The following WDFY4 variants were observed in gnomAD, a reference collection of about 807,000 sequenced individuals.
WDFY4 encodes WDFY family member 4.
WDFY4 carries 169 observed loss-of-function variants against 351.9 expected under a neutral mutation model. The ratio of observed to expected loss-of-function variants is 0.48; its 90% CI spans 0.42 to 0.55. WDFY4 has a LOEUF of 0.55. WDFY4 is among the 20% of genes least tolerant of loss of function. WDFY4 has a pLI of 0.00. For missense variants in WDFY4, 3,803 were observed against 3,935.6 expected (o/e 0.97, Z 0.90); for synonymous variants, 1,622 against 1,574.6 (o/e 1.03, Z -0.71).
Position 48,974,527 on chromosome 10 carries a change from A to AAAAAAAAAAAAAAAAAAC in WDFY4, c.8929-333_8929-332insAAAAAAAAAAAAAAACAA. On this transcript the variant is annotated intron_variant, in intron 57 of 61. Coordinates refer to ENST00000325239, the MANE Select transcript of WDFY4 (RefSeq NM_001394531.1). ...CAAAAAAAAAAAAAAAAAAAAAAAAAAACAACTCATGACATGAACTGCTCC... is the reference window on the plus strand; with the variant it reads ...CAAAAAAAAAAAAAAAAAAAAAAAAAAAAAAAAAAAAAAAAAACAACAACTCATGACATGAACTGCTCC... 2.9e-3 allele frequency among the ~76,000 whole-genome samples: 68 copies of AAAAAAAAAAAAAAAAAAC among 23,188 alleles called. 10 individuals carry two copies. The highest frequency in any genetic ancestry group is 4.6e-3 in the African/African-American group (64 of 13,804). 15.2% of individuals were successfully genotyped at this position (23,188 alleles called of 152,430 possible).
At chr10:48,948,717 A>T (rs749714080) in intron 51 of WDFY4, among the ~76,000 whole-genome samples, 1 of 152,232 alleles carries the variant, frequency 6.6e-6, no homozygotes, top group Non-Finnish European at 1.5e-5. Context: ...ATTAAATGAG[A>T]AAATGTGCAG....
chr10:48,823,937 G>A (rs886400837), intron 35 of WDFY4: 1 of 985,418 alleles, frequency 1.0e-6, no homozygotes, highest in African/African-American at 1.7e-5. Context: ...CACTTCATGA[G>A]TAGAAACATT....
chr10:48,726,106 A>T, intron 6 of WDFY4, 36 bp downstream of exon 6: 1 of 1,521,026 alleles, frequency 6.6e-7, no homozygotes, highest in Non-Finnish European at 8.9e-7. Context: ...GCTGTGGGCC[A>T]TGCAAGGGCT....
In WDFY4 at chr10:48,828,901, A is replaced by G. The variant is rs2068090278; in HGVS notation, c.6340+5A>G. ...ACTTACCAAGTTTGAGTGATGGTAC[A>G]TTTTATTTGTCATTGTGTGTGTGGG... is the stretch of plus-strand genomic sequence containing the variant. On this transcript the variant is annotated splice_donor_5th_base_variant and intron_variant, in intron 37 of 61. Coordinates refer to ENST00000325239, the MANE Select transcript of WDFY4 (RefSeq NM_001394531.1). The G allele has an allele frequency of 3.8e-6, 3 of 785,490 alleles. No homozygotes were observed. The highest frequency in any genetic ancestry group is 5.2e-6 in the Non-Finnish European group (3 of 581,506). The allele number at this position is 785,490 out of a possible 1,614,324, so 48.7% of individuals were successfully genotyped here.
intron 53 of WDFY4, among the ~76,000 whole-genome samples, chr10:48,961,892 G>A (rs925714729): frequency 1.3e-5 from 2 of 152,162 alleles, no homozygotes; most frequent in African/African-American, 4.8e-5. Context: ...GGACTGAGGA[G>A]ACACCAGCCC....
chr10:48,763,490 G>A (rs1437448170), intron 13 of WDFY4, among the ~76,000 whole-genome samples: 3 of 152,216 alleles, frequency 2.0e-5, no homozygotes, highest in Non-Finnish European at 2.9e-5. Context: ...GGTCTGGGTG[G>A]TCTTAGCAGT....
At position 48,833,141 on chromosome 10, in the gene WDFY4, ATGTG is replaced by A. The variant is rs1227956041; in HGVS notation, c.6663+461_6663+464del. 4.3e-3 allele frequency among the ~76,000 whole-genome samples: 603 copies of A among 141,688 alleles called. 6 individuals are homozygous for A. The highest frequency in any genetic ancestry group is 5.0e-3 in the East Asian group (24 of 4,836). 93.0% of individuals were successfully genotyped at this position (141,688 alleles called of 152,430 possible). A position where few individuals can be genotyped will look rare whatever the true frequency, so the allele number is the denominator to read the frequency against. On this transcript the variant is annotated intron_variant, in intron 39 of 61. Transcript: ENST00000325239. ...TTCCTAAAACTCATTGGCACCAACA[ATGTG>A]TGTGTGTGTGTGTGTGTGTGTGTGT... is the stretch of plus-strand genomic sequence containing the variant.
intron 25 of WDFY4, chr10:48,804,726 CT>C: frequency 1.0e-6 from 1 of 984,994 alleles, no homozygotes; most frequent in Non-Finnish European, 1.2e-6. Flanking sequence ...GAGCTGTTTT[CT>C]TTGGGGGAGT....
intron 2 of WDFY4, among the ~76,000 whole-genome samples, chr10:48,715,452 TTGTG>T (rs2063877161): frequency 6.6e-6 from 1 of 152,160 alleles, no homozygotes; most frequent in African/African-American, 2.4e-5. Context: ...ATTTTGGTGT[TTGTG>T]TGTGTGCATA....
rs114896581 is a variant in WDFY4, at chr10:48,790,014, A to C, written c.4066+29A>C. The C allele has an allele frequency of 5.0e-3, 7,766 of 1,547,912 alleles. 325 individuals are homozygous for C. In the African/African-American group the frequency reaches 0.092, roughly 18 times the overall value. On this transcript the variant is annotated intron_variant, in intron 22 of 61. Coordinates refer to ENST00000325239, the MANE Select transcript of WDFY4 (RefSeq NM_001394531.1). The stretch of plus-strand genomic sequence containing the variant: ...TGTTCAACTGGGAAGCTTTGCCGCT[A>C]TTTGGGAAGCAGGGTTTGTGCTGTC...
intron 39 of WDFY4, among the ~76,000 whole-genome samples, chr10:48,840,456 C>T (rs1015766563): frequency 1.3e-5 from 2 of 151,248 alleles, no homozygotes; most frequent in South Asian, 2.1e-4. Context: ...ACCTCTCTCA[C>T]GCACACACAC....
chr10:48,813,958 A>G lies in WDFY4; in HGVS notation c.5216A>G (p.Asp1739Gly). The G allele has an allele frequency of 6.5e-7, 1 of 1,540,560 alleles. No individual in the cohort carries two copies. Among genetic ancestry groups the G allele is most frequent in the Non-Finnish European group, 8.8e-7 (1 of 1,140,802 alleles). ...PLTELMDGPKDSLDAMLQWLL... is the reference protein window; with the variant it reads ...PLTELMDGPKGSLDAMLQWLL... ...TACAGCTCCTGCCTCCTCTTCCAGG[A>G]CAGCCTTGATGCCATGCTTCAGTGG... The change falls in exon 31 of 62, where the codon GAC becomes GGC. Residue 1739 changes from aspartate (D) to glycine (G), a missense_variant and splice_region_variant. By Grantham distance (94) the Asp-to-Gly change is moderately conservative. Transcript: ENST00000325239.
intron 5 of WDFY4, among the ~76,000 whole-genome samples, chr10:48,725,057 G>T (rs980216069): frequency 1.3e-5 from 2 of 152,186 alleles, no homozygotes; most frequent in African/African-American, 4.8e-5. Flanking sequence ...GGAGGAAGTG[G>T]AGAGGAGCAG....
At chr10:48,819,726 G>A (rs2067749194) in intron 32 of WDFY4, among the ~76,000 whole-genome samples, 1 of 152,192 alleles carries the variant, frequency 6.6e-6, no homozygotes, top group Non-Finnish European at 1.5e-5. Flanking sequence ...CTTCTCCACC[G>A]TTCTTGCCTG....
At chr10:48,758,884 C>T (rs553210025) in intron 12 of WDFY4, among the ~76,000 whole-genome samples, 4 of 152,310 alleles carry the variant, frequency 2.6e-5, no homozygotes, top group Non-Finnish European at 5.9e-5. Flanking sequence ...GACATCTCAG[C>T]ATTGGCATTT....
At chr10:48,761,929 A>G (rs1477691949) in intron 13 of WDFY4, among the ~76,000 whole-genome samples, 3 of 152,210 alleles carry the variant, frequency 2.0e-5, no homozygotes, top group Non-Finnish European at 2.9e-5. Flanking sequence ...GTGAGTTCAG[A>G]CAATGCACAT....
At chr10:48,965,774 A>ATATCAGTTAGATGTAGATTATATCTG (rs1842047543) in intron 54 of WDFY4, among the ~76,000 whole-genome samples, 1 of 141,324 alleles carries the variant, frequency 7.1e-6, no homozygotes, top group African/African-American at 2.8e-5. Flanking sequence ...ACTTATATCT[A>ATATCAGTTAGATGTAGATTATATCTG]TATCAGTTAG....
In WDFY4 at chr10:48,981,413, T is replaced by C. The variant is rs1381186923; in HGVS notation, c.9423T>C (p.Val3141=). The change falls in exon 61 of 62, where the codon GTT becomes GTC. Residue 3141 remains valine, a synonymous_variant. Coordinates refer to ENST00000325239, the MANE Select transcript of WDFY4 (RefSeq NM_001394531.1). ...KNLALSRELD[V]SIALTGKPSK... ...TGGCCTTGAGTCGAGAGCTGGACGTTAGCATTGCTTTGACAGGGAAGCCCA... is the reference window on the plus strand; with the variant it reads ...TGGCCTTGAGTCGAGAGCTGGACGTCAGCATTGCTTTGACAGGGAAGCCCA... 7 of 1,551,770 alleles carry C rather than the reference T, an allele frequency of 4.5e-6. No individual in the cohort carries two copies. Among genetic ancestry groups the C allele is most frequent in the Non-Finnish European group, 4.4e-6 (5 of 1,147,014 alleles).
chr10:48,812,420 C>T (rs757168754), intron 30 of WDFY4, among the ~76,000 whole-genome samples: 5 of 152,012 alleles, frequency 3.3e-5, no homozygotes, highest in African/African-American at 7.3e-5. Flanking sequence ...AAACTCCTGA[C>T]CTCAGGTGAT....
Sources: gnomAD v4.1 joint callset for allele counts (sites outside exome capture counted in the v4.1 genomes callset) on GRCh38, gnomAD v4.1.1 for gene constraint, MANE v1.5 for transcripts, NCBI Gene and HGNC (gene_info 2026-07-23, HGNC 2026-07-21) for gene names.